The following ZKSCAN7 variants were observed in gnomAD, a reference collection of about 807,000 sequenced individuals.
ZKSCAN7 encodes the protein zinc finger with KRAB and SCAN domains 7.
A neutral mutation model predicts 65.3 loss-of-function variants in ZKSCAN7; 38 were observed. That is an observed-to-expected ratio of 0.58 (90% CI 0.45 to 0.76). The LOEUF (loss-of-function observed/expected upper bound fraction) is 0.76. Among genes scored for constraint, ZKSCAN7 ranks in the 30% least tolerant of loss-of-function variants. The pLI, the probability that ZKSCAN7 is intolerant of heterozygous loss-of-function variation, is 0.00. For missense variants in ZKSCAN7, 815 were observed against 913.3 expected (o/e 0.89, Z 1.39); for synonymous variants, 321 against 321.0 (o/e 1.00, Z 0.00).
At chr3:44,563,644 T>TC (rs1016446455) in intron 2 of ZKSCAN7, among the ~76,000 whole-genome samples, 3 of 64,818 alleles carry the variant, frequency 4.6e-5, no homozygotes, top group African/African-American at 6.5e-5. Context: ...GGGGAAATCT[T>TC]CCCCCCCTAC....
At chr3:44,568,472 C>T in intron 5 of ZKSCAN7, 39 bp downstream of exon 5, 1 of 1,589,654 alleles carries the variant, frequency 6.3e-7, no homozygotes, top group Non-Finnish European at 8.5e-7. Flanking sequence ...AGTCTGCATG[C>T]TGCACAATCT....
chr3:44,569,733 C>A (rs1388678171), intron 5 of ZKSCAN7, among the ~76,000 whole-genome samples, 189 bp from the exon 6 acceptor site: 1 of 152,120 alleles, frequency 6.6e-6, no homozygotes, highest in Non-Finnish European at 1.5e-5. Flanking sequence ...CTTCCCCTTC[C>A]TTGTTTTCCT....
chr3:44,557,348 C>CAGTT lies in ZKSCAN7; in HGVS notation c.302_305dup (p.Phe102LeufsTer20). 1 of 1,614,262 alleles carries CAGTT rather than the reference C, an allele frequency of 6.2e-7. No individual in the cohort carries two copies. The highest frequency in any genetic ancestry group is 8.5e-7 in the Non-Finnish European group (1 of 1,180,050). On this transcript the variant is annotated frameshift_variant, in exon 2 of 6. Transcript: ENST00000426540. LOFTEE classifies it high-confidence loss of function. ...GATCCTGGAGCTGCTGGTGCTTGAGCAGTTCCTGAGCATCCTCCCTGGGGA... is the reference window on the plus strand; with the variant it reads ...GATCCTGGAGCTGCTGGTGCTTGAGCAGTTAGTTCCTGAGCATCCTCCCTGGGGA...
chr3:44,581,262 A>G (rs1039452643), intron 5 of ZKSCAN7, among the ~76,000 whole-genome samples: 42 of 148,794 alleles, frequency 2.8e-4, no homozygotes, highest in African/African-American at 1.0e-3. Flanking sequence ...CCGTGGGCCC[A>G]AGGACGCGGC....
At position 44,580,873 on chromosome 3, in the gene ZKSCAN7, G is replaced by A. The variant is rs952971663; in HGVS notation, c.812-2099G>A. The A allele has an allele frequency of 5.6e-6, 9 of 1,613,544 alleles. No individual in the cohort carries two copies. The African/African-American group carries it at 1.1e-4, about 19-fold the overall frequency. On this transcript the variant is annotated intron_variant, in intron 5 of 5. Coordinates refer to the ZKSCAN7 transcript ENST00000341840. ...TCAAAGTCGGTCCCATCTGGAGCCA[G>A]GAGGAGCCAACCGCCATAAATGGGT...
chr3:44,557,375 C>G lies in ZKSCAN7; in HGVS notation c.328C>G (p.Leu110Val), dbSNP rs760021154. 26 of 1,614,116 alleles carry G rather than the reference C, an allele frequency of 1.6e-5. No homozygotes were observed. The highest frequency in any genetic ancestry group is 4.0e-5 in the African/African-American group (3 of 74,930). Reference protein sequence around the residue: ...EQFLSILPGELRTWVQLHHPE... With the variant: ...EQFLSILPGEVRTWVQLHHPE... ...GTTCCTGAGCATCCTCCCTGGGGAG[C>G]TCCGGACCTGGGTGCAGCTGCATCA... Residue 110 changes from leucine (L) to valine (V), a missense_variant, in exon 2 of 6, where the codon CTC becomes GTC. Coordinates refer to ENST00000426540, the MANE Select transcript of ZKSCAN7 (RefSeq NM_001288590.2).
intron 5 of ZKSCAN7, among the ~76,000 whole-genome samples, chr3:44,568,815 T>A (rs897802933): frequency 1.3e-5 from 2 of 152,186 alleles, no homozygotes; most frequent in African/African-American, 4.8e-5. Context: ...AGCAAATGCA[T>A]GTTGATGCCT....
chr3:44,565,483 C>A lies in ZKSCAN7; in HGVS notation c.424-4C>A. The A allele has an allele frequency of 6.2e-7, 1 of 1,603,904 alleles. No individual in the cohort carries two copies. The highest frequency in any genetic ancestry group is 8.5e-7 in the Non-Finnish European group (1 of 1,175,432). Reference sequence around the variant, plus strand: ...TGAACCCAATTGTATTTCCCTCTCTCTAGGTTTCAGCCCCAGCACAGAAAC... The same window carrying A: ...TGAACCCAATTGTATTTCCCTCTCTATAGGTTTCAGCCCCAGCACAGAAAC... On this transcript the variant is annotated splice_polypyrimidine_tract_variant and splice_region_variant and intron_variant, in intron 2 of 5. Transcript: ENST00000426540.
In ZKSCAN7 at chr3:44,568,289, T is replaced by C. The variant is rs188732606; in HGVS notation, c.685-18T>C. The C allele has an allele frequency of 0.012, 19,629 of 1,609,646 alleles. 274 individuals are homozygous for C. The highest frequency in any genetic ancestry group is 0.05 in the South Asian group (4,483 of 90,196). ...CAGGCTGTGAATGTTCCTGAGCGATTGGAGCTTGTCATTCCAGGATACTGT... is the reference window on the plus strand; with the variant it reads ...CAGGCTGTGAATGTTCCTGAGCGATCGGAGCTTGTCATTCCAGGATACTGT... On this transcript the variant is annotated intron_variant, in intron 4 of 5. Transcript: ENST00000426540.
intron 5 of ZKSCAN7, among the ~76,000 whole-genome samples, chr3:44,582,578 AC>A (rs936504063): frequency 1.6e-4 from 24 of 152,184 alleles, no homozygotes; most frequent in African/African-American, 3.6e-4. Context: ...ACACAAAAAA[AC>A]ACCCTGATTT....
In ZKSCAN7 at chr3:44,572,054, AT is replaced by A; in HGVS notation, c.*680del. 1.0e-6 allele frequency: 1 copy of A among 985,586 alleles called. No individual in the cohort carries two copies. Among genetic ancestry groups the A allele is most frequent in the Non-Finnish European group, 1.2e-6 (1 of 830,030 alleles). 61.1% of individuals were successfully genotyped at this position (985,586 alleles called of 1,614,324 possible). On this transcript the variant is annotated 3_prime_UTR_variant, in exon 6 of 6. Transcript: ENST00000426540. ...AAATTTTGCGTGTCTGTATACTTTT[AT>A]ACCAACTTATTGTAGGCTCTTTGAG... is the stretch of plus-strand genomic sequence containing the variant.
At chr3:44,558,782 ATTTTTTTTTTTTT>A (rs35709621) in intron 2 of ZKSCAN7, among the ~76,000 whole-genome samples, 1 of 92,712 alleles carries the variant, frequency 1.1e-5, no homozygotes, top group African/African-American at 4.2e-5. Flanking sequence ...TTTCTTCTTC[ATTTTTTTTTTTTT>A]TTTTTTTTGG....
At position 44,571,241 on chromosome 3, in the gene ZKSCAN7, A is replaced by G; in HGVS notation, c.2131A>G (p.Arg711Gly). The change falls in exon 6 of 6, where the codon AGA (arginine) becomes GGA (glycine). Residue 711 changes from arginine to glycine, a missense_variant. By Grantham distance (125) the Arg-to-Gly change is moderately radical (BLOSUM62 -2). Transcript: ENST00000426540. The stretch of plus-strand genomic sequence containing the variant: ...CAGCTCACAGCTTATTGTACACCAG[A>G]GAGTCCACACCGGAGAGAAACCTTA... ...SDSSQLIVHQ[R>G]VHTGEKPYEC... 1 of 1,614,190 alleles carries G rather than the reference A, an allele frequency of 6.2e-7. No homozygotes were observed.
chr3:44,570,091 A>C lies in ZKSCAN7; in HGVS notation c.981A>C (p.Ser327=). The C allele has an allele frequency of 6.2e-7, 1 of 1,613,990 alleles. No homozygotes were observed. The highest frequency in any genetic ancestry group is 8.5e-7 in the Non-Finnish European group (1 of 1,179,950). ...TCAAGGAGTTAGAAGGACAAACCTC[A>C]GATGAAGAAGGGAGCAGACTAGAAA... The part of the protein sequence containing the change: ...DTFKELEGQT[S]DEEGSRLEND... The change falls in exon 6 of 6, where the codon TCA becomes TCC. Residue 327 remains serine, a synonymous_variant. Coordinates refer to ENST00000426540, the MANE Select transcript of ZKSCAN7 (RefSeq NM_001288590.2).
chr3:44,565,783 T>C, intron 3 of ZKSCAN7, 128 bp downstream of exon 3: 1 of 997,334 alleles, frequency 1.0e-6, no homozygotes, highest in Non-Finnish European at 1.4e-6. Flanking sequence ...CCTTCTTCCC[T>C]AGTGACCCTG....
chr3:44,579,753 C>T (rs971496119), intron 5 of ZKSCAN7, among the ~76,000 whole-genome samples: 2 of 152,206 alleles, frequency 1.3e-5, no homozygotes, highest in African/African-American at 2.4e-5. Flanking sequence ...CCATCCAAGT[C>T]GGCTGCCTCC....
chr3:44,581,063 G>A (rs550742631), intron 5 of ZKSCAN7: 86 of 1,340,314 alleles, frequency 6.4e-5, no homozygotes, highest in South Asian at 4.2e-4. Flanking sequence ...AGGCCCGGCC[G>A]GCCTGGCGCT....
At chr3:44,567,520 G>A (rs1005337200) in intron 3 of ZKSCAN7, among the ~76,000 whole-genome samples, 11 of 152,184 alleles carry the variant, frequency 7.2e-5, no homozygotes, top group Admixed American at 1.3e-4. Flanking sequence ...CTGACGGAAA[G>A]AACAAGGAAG....
At chr3:44,563,386 T>G (rs1699538070) in intron 2 of ZKSCAN7, among the ~76,000 whole-genome samples, 1 of 152,184 alleles carries the variant, frequency 6.6e-6, no homozygotes, top group Non-Finnish European at 1.5e-5. Flanking sequence ...TTTTTCACAC[T>G]GCTGTAAAGA....
Sources: gnomAD v4.1 joint callset for allele counts (sites outside exome capture counted in the v4.1 genomes callset) on GRCh38, gnomAD v4.1.1 for gene constraint, MANE v1.5 for transcripts, NCBI Gene and HGNC (gene_info 2026-07-23, HGNC 2026-07-21) for gene names.